RPS27A: variants seen among roughly 807,000 people sequenced by gnomAD.
The protein encoded by RPS27A is ubiquitin-ribosomal protein eS31 fusion protein.
Under a neutral mutation model 18.9 loss-of-function variants are expected in RPS27A, and 1 was observed. That is an observed-to-expected ratio of 0.05 (90% CI 0.02 to 0.25). The LOEUF (loss-of-function observed/expected upper bound fraction) is 0.25. Ranked by LOEUF, RPS27A falls within the 10% of genes least tolerant of loss-of-function variation. RPS27A has a pLI of 1.00. For synonymous variants in RPS27A, 77 were observed against 63.7 expected (o/e 1.21, Z -0.99); for missense variants, 123 against 187.4 (o/e 0.66, Z 2.01).
chr2:55,232,917 C>A, intron 2 of RPS27A, 45 bp downstream of exon 2: 1 of 1,514,074 alleles, frequency 6.6e-7, no homozygotes, highest in Non-Finnish European at 9.1e-7. Context: ...CGAATAAGGT[C>A]CTGAGGTGGA....
chr2:55,232,345 T>G (rs1301505397), upstream of RPS27A: 5 of 251,912 alleles, frequency 2.0e-5, no homozygotes, highest in African/African-American at 6.7e-5. Context: ...AAGAAAGCAG[T>G]GGAGAACTAC....
At chr2:55,233,146 C>T in intron 2 of RPS27A, 1 of 641,380 alleles carries the variant, frequency 1.6e-6, no homozygotes, top group South Asian at 1.8e-5. Flanking sequence ...CGGGTGCGAG[C>T]ACGTGTGGCC....
intron 3 of RPS27A, chr2:55,233,903 T>TA: frequency 1.6e-6 from 1 of 612,070 alleles, no homozygotes; most frequent in East Asian, 2.8e-5. Flanking sequence ...GTATTGGTAT[T>TA]ACAGGTGTCA....
intron 2 of RPS27A, chr2:55,233,094 A>G (rs1055659481): frequency 1.2e-5 from 8 of 643,894 alleles, no homozygotes; most frequent in African/African-American, 7.3e-5. Context: ...CTAGTTAGTT[A>G]AAACGGAGGA....
intron 1 of RPS27A, 35 bp downstream of exon 1, chr2:55,232,743 C>G: frequency 3.1e-6 from 4 of 1,295,308 alleles, no homozygotes; most frequent in Non-Finnish European, 4.4e-6. Flanking sequence ...CTCGGGTTAG[C>G]ACCCTATGGT....
At chr2:55,232,937 C>T (rs1040406569) in intron 2 of RPS27A, 65 bp downstream of exon 2, 65 of 1,299,806 alleles carry the variant, frequency 5.0e-5, no homozygotes, top group Non-Finnish European at 6.4e-5. Context: ...ATTTTAGGAC[C>T]GGCGCTGCTT....
upstream of RPS27A, chr2:55,232,265 A>C: frequency 5.4e-6 from 1 of 184,226 alleles, no homozygotes; most frequent in Non-Finnish European, 1.2e-5. Context: ...CACCGACTTC[A>C]GTGCTTAGAG....
At chr2:55,234,465 G>A (rs757903169) in intron 4 of RPS27A, 4 of 563,392 alleles carry the variant, frequency 7.1e-6, no homozygotes, top group Admixed American at 3.1e-5. Context: ...GCCTCCCAGC[G>A]CTGGGATTAC....
chr2:55,235,787 A>G lies in RPS27A; in HGVS notation c.*210A>G, dbSNP rs1341946604. 1.2e-5 allele frequency: 7 copies of G among 604,456 alleles called. No individual in the cohort carries two copies. The highest frequency in any genetic ancestry group is 2.1e-5 in the Non-Finnish European group (7 of 341,004). 37.4% of individuals were successfully genotyped at this position (604,456 alleles called of 1,614,324 possible). On this transcript the variant is annotated 3_prime_UTR_variant, in exon 6 of 6. Coordinates refer to ENST00000272317, the MANE Select transcript of RPS27A (RefSeq NM_002954.6). ...GCCAACCACTTGTAAAGGTCTTGAT[A>G]TTTTCAATTCTTAGACTACCTATAC...
chr2:55,232,172 A>G (rs1675470159), upstream of RPS27A: 1 of 158,224 alleles, frequency 6.3e-6, no homozygotes, highest in Admixed American at 6.0e-5. Flanking sequence ...TGCTCTAGTC[A>G]CTTCCGGCCC....
chr2:55,233,887 C>T, intron 3 of RPS27A: 1 of 588,216 alleles, frequency 1.7e-6, no homozygotes, highest in Non-Finnish European at 3.1e-6. Context: ...ACCTCGACCT[C>T]CCAAAGTATT....
At chr2:55,232,594 T>G (rs1057193657), upstream of RPS27A, 2 of 597,436 alleles carry the variant, frequency 3.3e-6, no homozygotes, top group Non-Finnish European at 6.0e-6. Context: ...GGATTGTCGC[T>G]GGGACGGCAG....
At chr2:55,234,443 C>T (rs544726341) in intron 4 of RPS27A, 44 of 576,142 alleles carry the variant, frequency 7.6e-5, no homozygotes, top group African/African-American at 7.5e-4. Flanking sequence ...CATAAGTGAT[C>T]TTCCCACCGT....
chr2:55,235,202 C>T, intron 5 of RPS27A: 1 of 688,758 alleles, frequency 1.5e-6, no homozygotes, highest in Non-Finnish European at 2.4e-6. Context: ...CAGGTCTTTA[C>T]CTTTGTCTAC....
At chr2:55,232,631 G>A (rs1573824332), upstream of RPS27A, 1 of 667,710 alleles carries the variant, frequency 1.5e-6, no homozygotes, top group South Asian at 1.6e-5. Flanking sequence ...GTCGCCTAAG[G>A]GGTGGGTCCT....
chr2:55,234,629 T>A (rs1287972530), intron 4 of RPS27A: 2 of 629,160 alleles, frequency 3.2e-6, no homozygotes, highest in Non-Finnish European at 5.6e-6. Flanking sequence ...GCAAGTTGTA[T>A]CCCATGGTGT....
At position 55,235,168 on chromosome 2, in the gene RPS27A, T is replaced by C. The variant is rs1228669116; in HGVS notation, c.321+206T>C. On this transcript the variant is annotated intron_variant, in intron 5 of 5. Transcript: ENST00000272317. Reference sequence around the variant, plus strand: ...TGAAATCAGTTATGTAATAGGGTTCTGAGTTTAAAGTCGGGTTTGGGTTCA... The same window carrying C: ...TGAAATCAGTTATGTAATAGGGTTCCGAGTTTAAAGTCGGGTTTGGGTTCA... 7.0e-6 allele frequency: 5 copies of C among 717,050 alleles called. No individual in the cohort carries two copies. In the Middle Eastern group the frequency reaches 1.2e-3, roughly 169 times the overall value. The allele number at this position is 717,050 out of a possible 1,614,324, so 44.4% of individuals were successfully genotyped here.
intron 5 of RPS27A, 153 bp from the exon 6 acceptor site, chr2:55,235,275 C>A: frequency 1.2e-6 from 1 of 864,596 alleles, no homozygotes; most frequent in Non-Finnish European, 1.9e-6. Context: ...TTCATTGTAG[C>A]AATGATAACT....
chr2:55,233,922 A>G (rs1001713156), intron 3 of RPS27A, 197 bp from the exon 4 acceptor site: 2 of 632,658 alleles, frequency 3.2e-6, no homozygotes, highest in Admixed American at 5.1e-5. Flanking sequence ...CAGCCACTGC[A>G]GACAACCAAG....
Sources: gnomAD v4.1 joint callset for allele counts on GRCh38, gnomAD v4.1.1 for gene constraint, MANE v1.5 for transcripts, NCBI Gene and HGNC (gene_info 2026-07-23, HGNC 2026-07-21) for gene names.